Variants in PPFIA2 observed in about 807,000 individuals in gnomAD.
PPFIA2 encodes the protein liprin-alpha-2.
Under a neutral mutation model 175.5 loss-of-function variants are expected in PPFIA2, and 46 were observed. The observed-to-expected ratio is 0.26, with a 90% CI of 0.21 to 0.34. The LOEUF is 0.34. PPFIA2 is among the 10% of genes least tolerant of loss of function. PPFIA2 has a pLI of 1.00. For missense variants in PPFIA2, 1,179 were observed against 1,506.1 expected, an observed-to-expected ratio of 0.78 and a Z score of 3.60; for synonymous variants, 568 against 511.4, an observed-to-expected ratio of 1.11 and a Z score of -1.49.
intron 6 of PPFIA2, among the ~76,000 whole-genome samples, chr12:81,443,136 C>A (rs997057782): frequency 6.6e-6 from 1 of 151,648 alleles, no homozygotes; most frequent in Non-Finnish European, 1.5e-5. Context: ...TATTCATAAA[C>A]GTTCACTAAG....
intron 2 of PPFIA2, among the ~76,000 whole-genome samples, chr12:81,754,643 TG>T (rs2084360643): frequency 6.6e-6 from 1 of 152,242 alleles, no homozygotes; most frequent in Non-Finnish European, 1.5e-5. Flanking sequence ...ATATTATTAA[TG>T]GCAAGCACAG....
chr12:81,603,095 A>G (rs993439137), intron 4 of PPFIA2, among the ~76,000 whole-genome samples: 1 of 151,824 alleles, frequency 6.6e-6, no homozygotes, highest in African/African-American at 2.4e-5. Context: ...GAAATTCAAA[A>G]CTTCAGCATA....
chr12:81,569,347 G>T (rs867373250), intron 4 of PPFIA2, among the ~76,000 whole-genome samples: 1 of 152,090 alleles, frequency 6.6e-6, no homozygotes, highest in South Asian at 2.1e-4. Context: ...AGAATTGTAC[G>T]TAACTTTTAT....
chr12:81,752,134 G>A (rs2083907865), intron 3 of PPFIA2, among the ~76,000 whole-genome samples: 1 of 152,172 alleles, frequency 6.6e-6, no homozygotes, highest in African/African-American at 2.4e-5. Flanking sequence ...AAGTCAATTA[G>A]AAACTTCAGT....
intron 4 of PPFIA2, among the ~76,000 whole-genome samples, chr12:81,484,385 T>C (rs932848966): frequency 1.3e-5 from 2 of 151,882 alleles, no homozygotes; most frequent in African/African-American, 4.8e-5. Flanking sequence ...GTGATGAAGA[T>C]GTGTGCAAAG....
At chr12:81,325,756 G>A (rs878993051) in intron 22 of PPFIA2, 21 bp downstream of exon 22, 2 of 1,548,380 alleles carry the variant, frequency 1.3e-6, no homozygotes, top group Admixed American at 1.7e-5. Context: ...TAGAAAAAGA[G>A]GGAAAAATCC....
At chr12:81,404,397 C>G (rs2042566454) in intron 8 of PPFIA2, among the ~76,000 whole-genome samples, 1 of 152,054 alleles carries the variant, frequency 6.6e-6, no homozygotes, top group Non-Finnish European at 1.5e-5. Flanking sequence ...GAGAGGTATA[C>G]TACTAATGAC....
At chr12:81,479,987 T>C (rs1376969667) in intron 4 of PPFIA2, among the ~76,000 whole-genome samples, 9 of 152,188 alleles carry the variant, frequency 5.9e-5, no homozygotes, top group African/African-American at 2.2e-4. Context: ...TCCTGGATAG[T>C]ATCCTGACGA....
Position 81,259,525 on chromosome 12 carries a change from CA to C in PPFIA2, c.*168del. ...ATCAAATGTAATATCTGACTCCCCC[CA>C]AAAATCACATTTTTCAGCTTTTAAT... is the stretch of plus-strand genomic sequence containing the variant. On this transcript the variant is annotated 3_prime_UTR_variant, in exon 33 of 33. Transcript: ENST00000549396. 2 of 1,097,188 alleles carry C rather than the reference CA, an allele frequency of 1.8e-6. No individual in the cohort carries two copies. The highest frequency in any genetic ancestry group is 2.6e-6 in the Non-Finnish European group (2 of 761,828). The allele number at this position is 1,097,188 out of a possible 1,614,324, so 68.0% of individuals were successfully genotyped here. A position where few individuals can be genotyped will look rare whatever the true frequency, so the allele number is the denominator to read the frequency against.
chr12:81,715,331 A>G (rs2078463453), intron 3 of PPFIA2, among the ~76,000 whole-genome samples: 1 of 151,818 alleles, frequency 6.6e-6, no homozygotes, highest in South Asian at 2.1e-4. Flanking sequence ...TGAATCTACT[A>G]CATGTTAATA....
chr12:81,417,521 T>C (rs1477296761), intron 7 of PPFIA2, among the ~76,000 whole-genome samples: 1 of 151,676 alleles, frequency 6.6e-6, no homozygotes. Context: ...ACAATATTCA[T>C]TAATCAATCT....
chr12:81,501,436 C>T (rs1403204282), intron 4 of PPFIA2, among the ~76,000 whole-genome samples: 1 of 152,010 alleles, frequency 6.6e-6, no homozygotes, highest in Non-Finnish European at 1.5e-5. Flanking sequence ...AATACATTTG[C>T]TTGACCTCTT....
intron 4 of PPFIA2, among the ~76,000 whole-genome samples, chr12:81,640,529 C>T (rs1382251206): frequency 6.6e-6 from 1 of 152,072 alleles, no homozygotes; most frequent in Non-Finnish European, 1.5e-5. Flanking sequence ...TCTTTATTCA[C>T]AACTTTTCAA....
At chr12:81,521,561 G>A (rs1292359854) in intron 4 of PPFIA2, among the ~76,000 whole-genome samples, 2 of 150,808 alleles carry the variant, frequency 1.3e-5, no homozygotes, top group Non-Finnish European at 2.9e-5. Context: ...TGTTAAAATC[G>A]TTGCCCAGCA....
intron 4 of PPFIA2, among the ~76,000 whole-genome samples, chr12:81,515,960 C>A (rs2062375453): frequency 2.4e-5 from 3 of 125,814 alleles, no homozygotes; most frequent in Middle Eastern, 7.8e-3. Flanking sequence ...CTTAAACTCC[C>A]AGCATGCCAA....
At chr12:81,479,680 A>T (rs927370006) in intron 4 of PPFIA2, among the ~76,000 whole-genome samples, 1 of 152,164 alleles carries the variant, frequency 6.6e-6, no homozygotes, top group African/African-American at 2.4e-5. Context: ...TCCTTTGCTT[A>T]TGAAGCTTAG....
intron 3 of PPFIA2, among the ~76,000 whole-genome samples, chr12:81,696,305 A>G (rs1370151806): frequency 6.6e-6 from 1 of 152,106 alleles, no homozygotes; most frequent in Non-Finnish European, 1.5e-5. Context: ...CTTTGTTTAA[A>G]TTTTGATTTG....
chr12:81,484,999 G>T (rs1419923379), intron 4 of PPFIA2, among the ~76,000 whole-genome samples: 4 of 151,780 alleles, frequency 2.6e-5, no homozygotes, highest in African/African-American at 9.7e-5. Flanking sequence ...AGAGACATAA[G>T]AAAATGCTTA....
At chr12:81,539,115 T>C (rs2065840289) in intron 4 of PPFIA2, among the ~76,000 whole-genome samples, 1 of 151,930 alleles carries the variant, frequency 6.6e-6, no homozygotes. Context: ...TCCACTGGAA[T>C]TGAATTGTTA....
Sources: allele counts gnomAD v4.1 joint callset (sites outside exome capture counted in the v4.1 genomes callset), GRCh38; gene constraint gnomAD v4.1.1; transcripts MANE v1.5; gene names NCBI Gene and HGNC (gene_info 2026-07-23, HGNC 2026-07-21).